Variants in CCNH observed in about 807,000 individuals in gnomAD.
CCNH encodes the protein cyclin-H.
In CCNH, 31 loss-of-function variants were observed where a neutral mutation model predicts 41.9. The observed-to-expected ratio is 0.74, with a 90% CI of 0.56 to 1.00. The LOEUF (loss-of-function observed/expected upper bound fraction) is 1.00, where lower values mean the gene tolerates loss of function less well. Ranked by LOEUF, CCNH falls within the 50% of genes least tolerant of loss-of-function variation. CCNH has a pLI of 0.00. For synonymous variants in CCNH, 138 were observed against 136.1 expected, an observed-to-expected ratio of 1.01 and a Z score of -0.10; for missense variants, 362 against 388.4, an observed-to-expected ratio of 0.93 and a Z score of 0.57.
upstream of CCNH, among the ~76,000 whole-genome samples, chr5:87,379,480 C>T (rs569256572): frequency 2.0e-5 from 3 of 152,134 alleles, no homozygotes; most frequent in East Asian, 3.9e-4. Flanking sequence ...TTTTTTTCCC[C>T]TCAAATAAAT....
intron 9 of CCNH, among the ~76,000 whole-genome samples, chr5:87,341,698 CAATTTT>C (rs1758476963): frequency 6.6e-6 from 1 of 151,806 alleles, no homozygotes; most frequent in Admixed American, 6.6e-5. Context: ...CGGTTCTTCA[CAATTTT>C]AATAAGATTC....
chr5:87,387,457 GCCTTT>G (rs1762141493), downstream of CCNH, among the ~76,000 whole-genome samples: 1 of 152,154 alleles, frequency 6.6e-6, no homozygotes, highest in Non-Finnish European at 1.5e-5. Context: ...CTAGGACCCT[GCCTTT>G]CTTAATCAAG....
chr5:87,316,347 C>A (rs1180930825), downstream of CCNH, among the ~76,000 whole-genome samples: 1 of 152,014 alleles, frequency 6.6e-6, no homozygotes, highest in South Asian at 2.1e-4. Flanking sequence ...AAAATAGCTG[C>A]GGAAAAAATA....
At chr5:87,327,272 C>T (rs768969949) in intron 9 of CCNH, among the ~76,000 whole-genome samples, 2 of 152,154 alleles carry the variant, frequency 1.3e-5, no homozygotes, top group Admixed American at 6.6e-5. Context: ...AGCTAGGTGG[C>T]AGAGCTGGGA....
downstream of CCNH, among the ~76,000 whole-genome samples, chr5:87,315,728 G>A (rs1461990844): frequency 6.6e-6 from 1 of 152,092 alleles, no homozygotes; most frequent in Non-Finnish European, 1.5e-5. Context: ...TAAATAAGTA[G>A]CACCTTGCGA....
At position 87,395,361 on chromosome 5, in the gene CCNH, AGT is replaced by A. The variant is rs1416568679; in HGVS notation, c.873-259_873-258del. Among the ~76,000 whole-genome samples the A allele has an allele frequency of 5.9e-5, 9 of 152,344 alleles. No homozygotes were observed. The South Asian group carries it at 1.0e-3, about 18-fold the overall frequency. On this transcript the variant is annotated intron_variant, in intron 7 of 8. Coordinates refer to ENST00000256897, the MANE Select transcript of CCNH (RefSeq NM_001239.4). The stretch of plus-strand genomic sequence containing the variant: ...CAAATCTAACACTGACCTAGGAAAG[AGT>A]GTGAAAAAATAGGAGCGAATATAAA...
At chr5:87,315,899 C>G (rs1756293567), downstream of CCNH, among the ~76,000 whole-genome samples, 1 of 151,932 alleles carries the variant, frequency 6.6e-6, no homozygotes, top group African/African-American at 2.4e-5. Context: ...TAGGCTGATT[C>G]TTTTTTCTAA....
At chr5:87,376,602 T>C in exon 1 of CCNH, 1 of 1,587,942 alleles carries the variant, frequency 6.3e-7, no homozygotes, top group Non-Finnish European at 8.6e-7. Context: ...TTTGTTGGAA[T>C]TAACAGAAAC....
rs376932628 is a variant in CCNH at position 87,339,043 on chromosome 5, G to C, written c.*91-20146C>G. 2.6e-5 allele frequency among the ~76,000 whole-genome samples: 4 copies of C among 152,036 alleles called. No homozygotes were observed. The South Asian group carries it at 8.3e-4, about 32-fold the overall frequency. On this transcript the variant is annotated intron_variant and NMD_transcript_variant, in intron 9 of 9. Transcript: ENST00000645953. ...ACTTTGGAATTCTCCCTTTCCTTTCGGATTTTTCTAGTGAGATGGAGTGGC... is the reference window on the plus strand; with the variant it reads ...ACTTTGGAATTCTCCCTTTCCTTTCCGATTTTTCTAGTGAGATGGAGTGGC...
At chr5:87,376,608 G>A (rs1761344504) in exon 1 of CCNH, 1 of 1,578,468 alleles carries the variant, frequency 6.3e-7, no homozygotes. Context: ...GGAATTAACA[G>A]AAACATTTAA....
downstream of CCNH, among the ~76,000 whole-genome samples, chr5:87,314,360 G>T (rs1015142122): frequency 6.6e-6 from 1 of 152,122 alleles, no homozygotes; most frequent in Admixed American, 6.5e-5. Flanking sequence ...GGGCATAGTT[G>T]TTTCTGGAGA....
chr5:87,378,588 T>C (rs1761484094), upstream of CCNH: 2 of 1,517,634 alleles, frequency 1.3e-6, no homozygotes, highest in Non-Finnish European at 1.8e-6. Flanking sequence ...CATATTTTAA[T>C]AGGTAATAAT....
intron 9 of CCNH, among the ~76,000 whole-genome samples, chr5:87,370,825 T>C (rs1760880613): frequency 6.6e-6 from 1 of 152,132 alleles, no homozygotes; most frequent in South Asian, 2.1e-4. Context: ...ACCCTAGATA[T>C]GAGGAAGATG....
intron 4 of CCNH, among the ~76,000 whole-genome samples, chr5:87,406,648 A>G (rs1763812728): frequency 6.6e-6 from 1 of 152,194 alleles, no homozygotes; most frequent in Non-Finnish European, 1.5e-5. Context: ...AAAAAAAAAA[A>G]AAGTGTAATC....
At chr5:87,388,561 G>T (rs192427843), downstream of CCNH, among the ~76,000 whole-genome samples, 432 of 152,224 alleles carry the variant, frequency 2.8e-3, 1 homozygote, top group Non-Finnish European at 4.1e-3. Flanking sequence ...AACACTTCTG[G>T]TCTCAAGCAT....
intron 9 of CCNH, among the ~76,000 whole-genome samples, chr5:87,328,377 TATA>T (rs1757384937): frequency 1.3e-5 from 2 of 152,168 alleles, no homozygotes; most frequent in Non-Finnish European, 2.9e-5. Flanking sequence ...TTTAAAGAGA[TATA>T]ATAAGGCTTT....
chr5:87,361,992 G>A (rs1165882778), intron 9 of CCNH, among the ~76,000 whole-genome samples: 3 of 152,120 alleles, frequency 2.0e-5, no homozygotes, highest in Non-Finnish European at 4.4e-5. Context: ...TGAAATCATG[G>A]TTATAACACC....
chr5:87,388,810 A>G (rs775629420), downstream of CCNH, among the ~76,000 whole-genome samples: 1 of 152,190 alleles, frequency 6.6e-6, no homozygotes, highest in Admixed American at 6.5e-5. Flanking sequence ...ATGAAATTTC[A>G]TCTAGGAATT....
chr5:87,338,536 A>ATATATATTTTTT lies in CCNH; in HGVS notation c.*91-19640_*91-19639insAAAAAATATATA. On this transcript the variant is annotated intron_variant and NMD_transcript_variant, in intron 9 of 9. Transcript: ENST00000645953. ...ATATATATATATATATATATATAAA[A>ATATATATTTTTT]TTTTTTTTTTTTTTAAGTAGAAATG... Among the ~76,000 whole-genome samples the ATATATATTTTTT allele has an allele frequency of 2.0e-4, 17 of 85,214 alleles. 1 individual carries two copies. In the East Asian group the frequency reaches 3.0e-3, roughly 15 times the overall value. The allele number at this position is 85,214 out of a possible 152,430, so 55.9% of individuals were successfully genotyped here.
Sources: gnomAD v4.1 joint callset for allele counts (sites outside exome capture counted in the v4.1 genomes callset) on GRCh38, gnomAD v4.1.1 for gene constraint, MANE v1.5 for transcripts, NCBI Gene and HGNC (gene_info 2026-07-23, HGNC 2026-07-21) for gene names.